Variants in CEP126 observed in about 807,000 individuals in gnomAD.
CEP126 encodes the protein centrosomal protein of 126 kDa.
A neutral mutation model predicts 107.8 loss-of-function variants in CEP126; 74 were observed. That is an observed-to-expected ratio of 0.69 (90% CI 0.57 to 0.83). The LOEUF is 0.83. Ranked by LOEUF, CEP126 falls within the 40% of genes least tolerant of loss-of-function variation. The pLI is 0.00. For missense variants in CEP126, 1,237 were observed against 1,281.9 expected (o/e 0.96, Z 0.53); for synonymous variants, 449 against 446.0 (o/e 1.01, Z -0.08).
chr11:101,985,988 ATTTCT>A (rs1941312247), intron 8 of CEP126, among the ~76,000 whole-genome samples: 1 of 126,458 alleles, frequency 7.9e-6, no homozygotes, highest in African/African-American at 3.0e-5. Flanking sequence ...CTCTGAATTG[ATTTCT>A]TTTTTTTTTT....
At position 101,967,023 on chromosome 11, in the gene CEP126, TTC is replaced by T. The variant is rs1338516738; in HGVS notation, c.2845+3145_2845+3146del. Among the ~76,000 whole-genome samples, 185 of 134,564 alleles carry T rather than the reference TTC, an allele frequency of 1.4e-3. 1 individual carries two copies. Among genetic ancestry groups the T allele is most frequent in the South Asian group, 3.7e-3 (13 of 3,526 alleles). 88.3% of individuals were successfully genotyped at this position (134,564 alleles called of 152,430 possible). A position where few individuals can be genotyped will look rare whatever the true frequency, so the allele number is the denominator to read the frequency against. On this transcript the variant is annotated intron_variant, in intron 6 of 10. Transcript: ENST00000263468. ...TCATTCCAATTCATCATCTCTTTCT[TTC>T]TTTTTTTTTTTTTTTTTTTTTGAGA...
At chr11:101,975,168 G>A (rs1941178886) in intron 6 of CEP126, among the ~76,000 whole-genome samples, 1 of 152,130 alleles carries the variant, frequency 6.6e-6, no homozygotes, top group Non-Finnish European at 1.5e-5. Flanking sequence ...ATAGCATTTA[G>A]CATATTGATA....
chr11:101,945,819 C>A (rs918655643), intron 3 of CEP126, among the ~76,000 whole-genome samples: 1 of 152,052 alleles, frequency 6.6e-6, no homozygotes, highest in Non-Finnish European at 1.5e-5. Flanking sequence ...CTCTGCTTGG[C>A]AACTTTATTT....
At chr11:101,976,858 A>C (rs1028486551) in intron 6 of CEP126, among the ~76,000 whole-genome samples, 12 of 152,154 alleles carry the variant, frequency 7.9e-5, no homozygotes, top group Non-Finnish European at 1.3e-4. Flanking sequence ...CTGTGCTTTC[A>C]CTTAATTCCA....
At chr11:101,922,399 G>A (rs1377541328) in intron 1 of CEP126, among the ~76,000 whole-genome samples, 3 of 151,508 alleles carry the variant, frequency 2.0e-5, no homozygotes, top group Non-Finnish European at 2.9e-5. Context: ...TACTGACCTC[G>A]TGATCTTTCT....
chr11:101,945,414 T>G (rs1370410611), intron 3 of CEP126, among the ~76,000 whole-genome samples: 1 of 152,270 alleles, frequency 6.6e-6, no homozygotes, highest in East Asian at 1.9e-4. Context: ...CTCAAAGAGC[T>G]TTATATGCCA....
At chr11:101,930,680 C>A (rs1940486022) in intron 2 of CEP126, among the ~76,000 whole-genome samples, 1 of 152,116 alleles carries the variant, frequency 6.6e-6, no homozygotes, top group African/African-American at 2.4e-5. Context: ...GCTGATTGGC[C>A]CATTTTACAG....
At chr11:101,984,471 G>GA (rs1941293512) in intron 8 of CEP126, among the ~76,000 whole-genome samples, 1 of 152,154 alleles carries the variant, frequency 6.6e-6, no homozygotes, top group South Asian at 2.1e-4. Flanking sequence ...TATTAACATC[G>GA]ATAATAAGAC....
intron 2 of CEP126, among the ~76,000 whole-genome samples, chr11:101,934,589 C>G (rs1201855337): frequency 2.0e-5 from 3 of 152,004 alleles, no homozygotes; most frequent in Non-Finnish European, 4.4e-5. Flanking sequence ...TTATCATTCC[C>G]CAGAATATAC....
In CEP126 at chr11:101,963,860, A is replaced by G. The variant is rs143154955; in HGVS notation, c.2825A>G (p.His942Arg). ...TGGAAAAGAGGTCCTAATGTCCTGC[A>G]TCAAAATAAGAGGGCTACAGGTAAG... is the stretch of plus-strand genomic sequence containing the variant. Reference protein sequence around the residue: ...PLWKRGPNVLHQNKRATGSTV... With the variant: ...PLWKRGPNVLRQNKRATGSTV... Residue 942 changes from histidine (H) to arginine (R), a missense_variant, in exon 6 of 11, where the codon CAT (histidine) becomes CGT (arginine). Physicochemically the swap from His to Arg is conservative, Grantham distance 29. This residue lies in a region of CEP126 where 1,134 missense variants were observed against 1,150.5 expected (regional missense o/e 0.99). Coordinates refer to ENST00000263468, the MANE Select transcript of CEP126 (RefSeq NM_020802.4). 183 of 1,606,158 alleles carry G rather than the reference A, an allele frequency of 1.1e-4. No individual in the cohort carries two copies. In the African/African-American group the frequency reaches 2.3e-3, roughly 20 times the overall value.
At chr11:101,958,408 C>T (rs1565359868) in intron 5 of CEP126, 42 bp downstream of exon 5, 1 of 1,555,208 alleles carries the variant, frequency 6.4e-7, no homozygotes. Context: ...TAATTCCTTG[C>T]ACTAATTTTG....
intron 6 of CEP126, among the ~76,000 whole-genome samples, chr11:101,971,425 T>G (rs1369391495): frequency 2.0e-5 from 3 of 152,230 alleles, no homozygotes; most frequent in Non-Finnish European, 4.4e-5. Context: ...AGCTTCAGAA[T>G]CATCCTGGCT....
At chr11:101,979,418 A>G (rs1941230061) in intron 7 of CEP126, among the ~76,000 whole-genome samples, 1 of 152,122 alleles carries the variant, frequency 6.6e-6, no homozygotes, top group Admixed American at 6.6e-5. Context: ...TGTTCAAGAT[A>G]GAGGTCTTCA....
At chr11:101,953,168 T>C (rs1478255181) in intron 4 of CEP126, among the ~76,000 whole-genome samples, 2 of 152,138 alleles carry the variant, frequency 1.3e-5, no homozygotes, top group Middle Eastern at 3.5e-3. Context: ...GGAAGAGATA[T>C]GTCCAGTAAT....
At chr11:101,923,672 G>T (rs936086104) in intron 2 of CEP126, among the ~76,000 whole-genome samples, 2 of 152,116 alleles carry the variant, frequency 1.3e-5, no homozygotes, top group Non-Finnish European at 2.9e-5. Flanking sequence ...GTATGCATAG[G>T]TTTCTGCTTT....
chr11:101,936,088 T>A (rs1940574470), intron 2 of CEP126, among the ~76,000 whole-genome samples: 1 of 152,168 alleles, frequency 6.6e-6, no homozygotes. Context: ...GTGGTGAATT[T>A]GTATATCAAT....
chr11:101,950,750 C>T (rs533715432), intron 4 of CEP126, among the ~76,000 whole-genome samples: 5 of 152,072 alleles, frequency 3.3e-5, no homozygotes, highest in East Asian at 1.9e-4. Flanking sequence ...TTCAGAGTGT[C>T]GGGACTACAG....
chr11:101,997,552 T>C, intron 10 of CEP126, 47 bp from the exon 11 acceptor site: 4 of 1,613,518 alleles, frequency 2.5e-6, no homozygotes, highest in South Asian at 2.2e-5. Flanking sequence ...GTAGCTGCAG[T>C]GTTTTGGCAT....
chr11:101,975,855 C>T (rs1941186697), intron 6 of CEP126, among the ~76,000 whole-genome samples: 1 of 152,120 alleles, frequency 6.6e-6, no homozygotes, highest in African/African-American at 2.4e-5. Flanking sequence ...TCCTTATGTT[C>T]TTGTGTTAGT....
Sources: allele counts gnomAD v4.1 joint callset (sites outside exome capture counted in the v4.1 genomes callset), GRCh38; gene constraint gnomAD v4.1.1; regional missense constraint gnomAD v4.1.1; transcripts MANE v1.5; gene names NCBI Gene and HGNC (gene_info 2026-07-23, HGNC 2026-07-21).